The following PRKG1 variants were observed in gnomAD, a reference collection of about 807,000 sequenced individuals.
PRKG1 encodes the protein protein kinase cGMP-dependent 1, also known as cGMP-dependent protein kinase 1.
A neutral mutation model predicts 88.1 loss-of-function variants in PRKG1; 35 were observed. That is an observed-to-expected ratio of 0.40 (90% CI 0.30 to 0.53). PRKG1 has a LOEUF of 0.53. PRKG1 is among the 20% of genes least tolerant of loss of function. PRKG1 has a pLI of 0.59. For synonymous variants in PRKG1, 303 were observed against 292.5 expected, an observed-to-expected ratio of 1.04 and a Z score of -0.37; for missense variants, 540 against 839.8, an observed-to-expected ratio of 0.64 and a Z score of 4.41.
At chr10:51,764,750 A>G (rs999658955) in intron 3 of PRKG1, among the ~76,000 whole-genome samples, 3 of 152,174 alleles carry the variant, frequency 2.0e-5, no homozygotes, top group Non-Finnish European at 4.4e-5. Flanking sequence ...GTCTCCCCCC[A>G]AAATTAGGTG....
intron 4 of PRKG1, among the ~76,000 whole-genome samples, chr10:51,826,233 C>T (rs987747009): frequency 1.2e-4 from 19 of 152,148 alleles, no homozygotes; most frequent in African/African-American, 3.4e-4. Flanking sequence ...GAGAGTCCCA[C>T]AGCACACTAC....
At chr10:51,478,769 A>T (rs1840272978) in intron 3 of PRKG1, among the ~76,000 whole-genome samples, 2 of 151,788 alleles carry the variant, frequency 1.3e-5, no homozygotes, top group African/African-American at 4.8e-5. Context: ...GATTTTTACC[A>T]ATGTGAAATG....
intron 9 of PRKG1, among the ~76,000 whole-genome samples, chr10:52,233,295 T>C (rs1157335745): frequency 6.6e-6 from 1 of 150,726 alleles, no homozygotes; most frequent in African/African-American, 2.4e-5. Context: ...TGAAAAAAAA[T>C]CTCCAGCTGT....
intron 2 of PRKG1, among the ~76,000 whole-genome samples, chr10:51,293,018 G>T (rs993300445): frequency 9.9e-5 from 15 of 152,080 alleles, no homozygotes; most frequent in Admixed American, 7.9e-4. Context: ...ATCTTGGTTG[G>T]TTACATATTT....
At chr10:51,268,612 G>A (rs907222225) in intron 2 of PRKG1, among the ~76,000 whole-genome samples, 3 of 152,118 alleles carry the variant, frequency 2.0e-5, no homozygotes, top group Non-Finnish European at 4.4e-5. Context: ...CCTGTACATT[G>A]CTGTTATCCT....
At chr10:51,649,106 T>C (rs1222841477) in intron 3 of PRKG1, among the ~76,000 whole-genome samples, 2 of 152,212 alleles carry the variant, frequency 1.3e-5, no homozygotes, top group African/African-American at 2.4e-5. Context: ...TGATCAGTTC[T>C]GCGTTTTTGG....
chr10:51,041,612 T>C (rs751010758), intron 1 of PRKG1, among the ~76,000 whole-genome samples: 2 of 151,942 alleles, frequency 1.3e-5, no homozygotes, highest in Non-Finnish European at 2.9e-5. Context: ...TATCTAGAAA[T>C]GTTGCCCTGG....
intron 2 of PRKG1, among the ~76,000 whole-genome samples, chr10:51,405,053 T>C (rs1837868970): frequency 6.6e-6 from 1 of 152,228 alleles, no homozygotes; most frequent in African/African-American, 2.4e-5. Context: ...AAAAAGATGG[T>C]AATGAGTCTT....
chr10:51,609,685 G>T (rs115164472), intron 3 of PRKG1, among the ~76,000 whole-genome samples: 6,409 of 152,240 alleles, frequency 0.042, 182 homozygotes, highest in Middle Eastern at 0.088. Context: ...CATGTTCTTT[G>T]CAGGGACATG....
intron 2 of PRKG1, among the ~76,000 whole-genome samples, chr10:51,410,768 GTTTA>G (rs1838062596): frequency 6.6e-6 from 1 of 151,198 alleles, no homozygotes; most frequent in Non-Finnish European, 1.5e-5. Flanking sequence ...ACTACTTTAT[GTTTA>G]TTTATATAAA....
intron 5 of PRKG1, among the ~76,000 whole-genome samples, chr10:52,013,103 G>A (rs1589517119): frequency 6.6e-6 from 1 of 152,150 alleles, no homozygotes; most frequent in Non-Finnish European, 1.5e-5. Context: ...GTGTGATAAA[G>A]GTTAACCAGT....
chr10:51,263,042 T>C (rs1047329256), intron 2 of PRKG1, among the ~76,000 whole-genome samples: 1 of 152,208 alleles, frequency 6.6e-6, no homozygotes, highest in Non-Finnish European at 1.5e-5. Flanking sequence ...GTCTTTATCT[T>C]ATATTCCACT....
chr10:51,042,793 C>T (rs1843442151), intron 1 of PRKG1, among the ~76,000 whole-genome samples: 1 of 152,086 alleles, frequency 6.6e-6, no homozygotes, highest in South Asian at 2.1e-4. Context: ...TCCTAACTCC[C>T]AATGTGATGG....
chr10:51,984,921 TG>T (rs1296343568), intron 5 of PRKG1, among the ~76,000 whole-genome samples: 1 of 152,174 alleles, frequency 6.6e-6, no homozygotes. Flanking sequence ...AATGATGTTT[TG>T]TTCCCTCTGG....
chr10:51,515,066 A>G (rs999251822), intron 3 of PRKG1, among the ~76,000 whole-genome samples: 8 of 152,210 alleles, frequency 5.3e-5, no homozygotes, highest in Non-Finnish European at 8.8e-5. Flanking sequence ...CCTGGGAAGT[A>G]AAACTGACAC....
chr10:52,136,789 T>C (rs1564485074), intron 8 of PRKG1, among the ~76,000 whole-genome samples: 1 of 152,070 alleles, frequency 6.6e-6, no homozygotes, highest in Non-Finnish European at 1.5e-5. Flanking sequence ...AGGATTCCCT[T>C]GGATTTAGCT....
chr10:51,862,467 C>T (rs1003236664), intron 4 of PRKG1, among the ~76,000 whole-genome samples: 23 of 152,246 alleles, frequency 1.5e-4, no homozygotes, highest in African/African-American at 5.3e-4. Flanking sequence ...AACAGAAAAC[C>T]TCTTTACAAC....
chr10:52,125,497 C>CTTA, intron 7 of PRKG1, among the ~76,000 whole-genome samples: 1 of 152,142 alleles, frequency 6.6e-6, no homozygotes, highest in Non-Finnish European at 1.5e-5. Context: ...GTAGCCCTCA[C>CTTA]TTATCTGCAG....
At chr10:51,961,313 G>A (rs1843442411) in intron 5 of PRKG1, among the ~76,000 whole-genome samples, 1 of 152,032 alleles carries the variant, frequency 6.6e-6, no homozygotes, top group African/African-American at 2.4e-5. Flanking sequence ...TTGCATCCCA[G>A]GAATACTGTT....
Sources: gnomAD v4.1 joint callset for allele counts (sites outside exome capture counted in the v4.1 genomes callset) on GRCh38, gnomAD v4.1.1 for gene constraint, MANE v1.5 for transcripts, NCBI Gene and HGNC (gene_info 2026-07-23, HGNC 2026-07-21) for gene names.